Variants in DOCK3 observed in about 807,000 individuals in gnomAD.
DOCK3 encodes dedicator of cytokinesis protein 3.
In DOCK3, 60 loss-of-function variants were observed where a neutral mutation model predicts 265.6. The ratio of observed to expected loss-of-function variants is 0.23; its 90% CI spans 0.18 to 0.28. The LOEUF is 0.28. DOCK3 is among the 10% of genes least tolerant of loss of function. The pLI, the probability that DOCK3 is intolerant of heterozygous loss-of-function variation, is 1.00. For synonymous variants in DOCK3, 881 were observed against 938.0 expected (o/e 0.94, Z 1.11); for missense variants, 1,981 against 2,594.3 (o/e 0.76, Z 5.14).
chr3:51,231,320 G>A (rs995218879), intron 19 of DOCK3, among the ~76,000 whole-genome samples: 3 of 151,734 alleles, frequency 2.0e-5, no homozygotes, highest in South Asian at 2.1e-4. Flanking sequence ...GTAGAGACAC[G>A]GTTTTGCCAT....
At chr3:51,310,128 C>G (rs1423645211) in intron 27 of DOCK3, 104 bp from the exon 28 acceptor site, 1 of 843,316 alleles carries the variant, frequency 1.2e-6, no homozygotes, top group Non-Finnish European at 2.0e-6. Flanking sequence ...ATCTAACTCA[C>G]TGGTCCCACC....
chr3:51,015,001 T>C (rs1471641018), intron 5 of DOCK3, among the ~76,000 whole-genome samples: 1 of 152,164 alleles, frequency 6.6e-6, no homozygotes, highest in Non-Finnish European at 1.5e-5. Context: ...ATCCTCCAAC[T>C]TTACTGAGTT....
At chr3:50,745,076 T>G (rs1576313136) in intron 1 of DOCK3, among the ~76,000 whole-genome samples, 1 of 152,312 alleles carries the variant, frequency 6.6e-6, no homozygotes, top group East Asian at 1.9e-4. Context: ...TTAGGATGTA[T>G]TTTTCTCTCT....
intron 2 of DOCK3, among the ~76,000 whole-genome samples, chr3:50,801,526 A>G (rs1162816839): frequency 1.3e-5 from 2 of 152,238 alleles, no homozygotes; most frequent in African/African-American, 4.8e-5. Context: ...CAAAGAATTG[A>G]ACATACTGAC....
chr3:51,038,873 T>G (rs1311268307), intron 5 of DOCK3, among the ~76,000 whole-genome samples: 1 of 148,564 alleles, frequency 6.7e-6, no homozygotes, highest in Non-Finnish European at 1.5e-5. Context: ...TGTATTCTAG[T>G]TTTTTTTTTG....
At chr3:50,770,231 A>G (rs2041190237) in intron 1 of DOCK3, among the ~76,000 whole-genome samples, 1 of 152,232 alleles carries the variant, frequency 6.6e-6, no homozygotes, top group Non-Finnish European at 1.5e-5. Context: ...AAAAACAATT[A>G]GAACTGATAA....
chr3:50,866,005 G>T (rs1401792697), intron 3 of DOCK3, among the ~76,000 whole-genome samples: 1 of 151,794 alleles, frequency 6.6e-6, no homozygotes, highest in African/African-American at 2.4e-5. Flanking sequence ...CAGATTATTC[G>T]ATTTTTTTCC....
At chr3:50,988,807 C>T (rs951801278) in intron 5 of DOCK3, among the ~76,000 whole-genome samples, 13 of 152,118 alleles carry the variant, frequency 8.5e-5, no homozygotes, top group African/African-American at 2.9e-4. Context: ...ATGTGGTCAC[C>T]CATTCCCATA....
intron 1 of DOCK3, among the ~76,000 whole-genome samples, chr3:50,696,895 A>AAAGCTCCTGATTTTCTG (rs2035660072): frequency 6.6e-6 from 1 of 151,228 alleles, no homozygotes; most frequent in Non-Finnish European, 1.5e-5. Flanking sequence ...GCCTACCTTT[A>AAAGCTCCTGATTTTCTG]AAGCTCCTGA....
intron 1 of DOCK3, among the ~76,000 whole-genome samples, chr3:50,775,801 C>T (rs2041559499): frequency 1.3e-5 from 2 of 152,084 alleles, no homozygotes. Flanking sequence ...TTTGTGTCCT[C>T]ATAGCGTAGC....
intron 9 of DOCK3, among the ~76,000 whole-genome samples, chr3:51,129,442 G>A (rs919351755): frequency 6.6e-6 from 1 of 152,172 alleles, no homozygotes. Flanking sequence ...GAGACCATGG[G>A]CATTTGAACC....
chr3:51,249,191 C>G (rs9845238), intron 22 of DOCK3, among the ~76,000 whole-genome samples: 109,680 of 122,176 alleles, frequency 0.9, 49,198 homozygotes, highest in African/African-American at 0.94. Flanking sequence ...CCCCATCCGG[C>G]AGGGAGGTGG....
intron 12 of DOCK3, among the ~76,000 whole-genome samples, chr3:51,173,889 T>C (rs985151018): frequency 3.3e-5 from 5 of 152,206 alleles, no homozygotes; most frequent in Non-Finnish European, 5.9e-5. Flanking sequence ...TTTAAATTTT[T>C]CCCCCTTTTC....
At chr3:50,974,115 T>G (rs1361091085) in intron 5 of DOCK3, among the ~76,000 whole-genome samples, 2 of 150,894 alleles carry the variant, frequency 1.3e-5, no homozygotes, top group Admixed American at 1.3e-4. Context: ...TGGTAGTTTC[T>G]TTTGCTGTAC....
At chr3:51,056,037 A>G (rs993590182) in intron 5 of DOCK3, among the ~76,000 whole-genome samples, 35 of 152,328 alleles carry the variant, frequency 2.3e-4, no homozygotes, top group African/African-American at 8.2e-4. Context: ...CCTCATATTA[A>G]TGAAGAGAAA....
chr3:51,072,572 C>A (rs780282049), intron 6 of DOCK3, among the ~76,000 whole-genome samples: 3 of 151,898 alleles, frequency 2.0e-5, no homozygotes, highest in Non-Finnish European at 4.4e-5. Flanking sequence ...CCACACCCAG[C>A]TAATTTTTGT....
intron 1 of DOCK3, among the ~76,000 whole-genome samples, chr3:50,729,909 C>G (rs1422227824): frequency 1.3e-5 from 2 of 150,656 alleles, no homozygotes; most frequent in African/African-American, 2.4e-5. Flanking sequence ...ACCTCTGCCC[C>G]CTGGGTTTAA....
intron 9 of DOCK3, among the ~76,000 whole-genome samples, chr3:51,110,379 A>C (rs373379641): frequency 5.8e-4 from 88 of 150,830 alleles, no homozygotes; most frequent in South Asian, 4.8e-3. Context: ...ACCACCACCA[A>C]CAACAACAGA....
intron 9 of DOCK3, among the ~76,000 whole-genome samples, chr3:51,122,291 G>A (rs956396631): frequency 6.6e-6 from 1 of 152,120 alleles, no homozygotes; most frequent in East Asian, 1.9e-4. Context: ...ACCAGCTTGG[G>A]CAACATAGTA....
Sources: gnomAD v4.1 joint callset for allele counts (sites outside exome capture counted in the v4.1 genomes callset) on GRCh38, gnomAD v4.1.1 for gene constraint, MANE v1.5 for transcripts, NCBI Gene and HGNC (gene_info 2026-07-23, HGNC 2026-07-21) for gene names.